Variants in ATP13A4 observed in about 807,000 individuals in gnomAD.
ATP13A4 encodes the protein ATPase 13A4.
ATP13A4 carries 114 observed loss-of-function variants against 142.5 expected under a neutral mutation model. That is an observed-to-expected ratio of 0.80 (90% CI 0.69 to 0.93). The LOEUF is 0.93. Ranked by LOEUF, ATP13A4 falls within the 40% of genes least tolerant of loss-of-function variation. The pLI, the probability that ATP13A4 is intolerant of heterozygous loss-of-function variation, is 0.00. For missense variants in ATP13A4, 1,392 were observed against 1,454.0 expected, an observed-to-expected ratio of 0.96 and a Z score of 0.69; for synonymous variants, 488 against 514.8, an observed-to-expected ratio of 0.95 and a Z score of 0.70.
At chr3:193,498,105 G>T (rs1284018855) in intron 3 of ATP13A4, among the ~76,000 whole-genome samples, 1 of 152,034 alleles carries the variant, frequency 6.6e-6, no homozygotes, top group East Asian at 1.9e-4. Context: ...ATAAACCTAT[G>T]AGGTGACAGA....
chr3:193,489,157 A>G (rs755324090), intron 7 of ATP13A4, among the ~76,000 whole-genome samples: 64 of 152,298 alleles, frequency 4.2e-4, no homozygotes, highest in Admixed American at 1.5e-3. Context: ...AATTTCAGAG[A>G]ACAGAAGAGC....
chr3:193,516,389 C>T (rs1288691435), intron 1 of ATP13A4, among the ~76,000 whole-genome samples: 2 of 152,208 alleles, frequency 1.3e-5, no homozygotes, highest in South Asian at 2.1e-4. Flanking sequence ...CTCAGAAATA[C>T]AATCTCTTAA....
At chr3:193,525,792 C>T (rs573942767) in intron 1 of ATP13A4, among the ~76,000 whole-genome samples, 2 of 152,204 alleles carry the variant, frequency 1.3e-5, no homozygotes, top group Non-Finnish European at 2.9e-5. Flanking sequence ...ATTAATCTTC[C>T]ATTGAAAGTT....
chr3:193,477,788 G>A (rs1000860133), intron 8 of ATP13A4, among the ~76,000 whole-genome samples: 2 of 152,016 alleles, frequency 1.3e-5, no homozygotes, highest in African/African-American at 4.8e-5. Flanking sequence ...GCAGAGTGCT[G>A]GGGAGGTAAC....
chr3:193,530,282 GA>G (rs575172395), intron 1 of ATP13A4, among the ~76,000 whole-genome samples: 1 of 151,140 alleles, frequency 6.6e-6, no homozygotes, highest in East Asian at 1.9e-4. Flanking sequence ...TTCTCCTAGG[GA>G]AAAAAAATTC....
intron 2 of ATP13A4, among the ~76,000 whole-genome samples, chr3:193,571,678 T>C (rs1056086513): frequency 6.6e-6 from 1 of 152,084 alleles, no homozygotes; most frequent in African/African-American, 2.4e-5. Flanking sequence ...CAAACCCCAA[T>C]TGAAGGGCAT....
At chr3:193,503,005 A>G (rs1046676900) in intron 2 of ATP13A4, among the ~76,000 whole-genome samples, 1 of 150,530 alleles carries the variant, frequency 6.6e-6, no homozygotes, top group Non-Finnish European at 1.5e-5. Flanking sequence ...CCTACAGAAC[A>G]GCCTCATTAA....
chr3:193,461,996 C>T (rs1274707929), intron 13 of ATP13A4, among the ~76,000 whole-genome samples: 2 of 152,064 alleles, frequency 1.3e-5, no homozygotes, highest in Non-Finnish European at 2.9e-5. Context: ...CCGAGGTGGA[C>T]GGATCACCTG....
At chr3:193,509,334 G>C (rs76289943) in intron 2 of ATP13A4, among the ~76,000 whole-genome samples, 3 of 152,074 alleles carry the variant, frequency 2.0e-5, no homozygotes, top group East Asian at 1.9e-4. Context: ...TTTGTGTACC[G>C]ATCTGATTAA....
chr3:193,564,059 A>G (rs1409498021), intron 2 of ATP13A4, among the ~76,000 whole-genome samples: 1 of 152,264 alleles, frequency 6.6e-6, no homozygotes, highest in African/African-American at 2.4e-5. Flanking sequence ...TATTTTTAGA[A>G]TAAGAAAGAT....
At chr3:193,558,019 A>G (rs536826707), upstream of ATP13A4, among the ~76,000 whole-genome samples, 24 of 152,348 alleles carry the variant, frequency 1.6e-4, no homozygotes, top group Admixed American at 3.9e-4. Flanking sequence ...AACGCCATGC[A>G]TGGAGGTCCT....
At chr3:193,483,781 TA>T (rs200782119) in intron 8 of ATP13A4, among the ~76,000 whole-genome samples, 154 bp downstream of exon 8, 128 of 146,832 alleles carry the variant, frequency 8.7e-4, no homozygotes, top group African/African-American at 2.8e-3. Flanking sequence ...GTTTTTAAGG[TA>T]AAAAAAAAAA....
In ATP13A4 at chr3:193,539,240, A is replaced by T. The variant is rs150792040; in HGVS notation, c.60+15500T>A. Among the ~76,000 whole-genome samples the T allele has an allele frequency of 3.1e-3, 469 of 152,350 alleles. 1 individual carries two copies. The highest frequency in any genetic ancestry group is 0.011 in the African/African-American group (448 of 41,594). On this transcript the variant is annotated intron_variant, in intron 1 of 29. Transcript: ENST00000342695. ...TGGGCCATATGTCCCCAAGGGCCATAGTTTGCAGACCTCTGCTATCAAGAA... is the reference window on the plus strand; with the variant it reads ...TGGGCCATATGTCCCCAAGGGCCATTGTTTGCAGACCTCTGCTATCAAGAA...
At chr3:193,497,847 T>A (rs1237515947) in intron 3 of ATP13A4, among the ~76,000 whole-genome samples, 1 of 152,120 alleles carries the variant, frequency 6.6e-6, no homozygotes, top group Non-Finnish European at 1.5e-5. Flanking sequence ...TCTTACTCAT[T>A]TGTGAAATCT....
chr3:193,435,536 T>C, intron 24 of ATP13A4, 112 bp downstream of exon 24: 1 of 883,704 alleles, frequency 1.1e-6, no homozygotes, highest in African/African-American at 1.6e-5. Flanking sequence ...GAGGGGCTGT[T>C]GTTGTTCAGA....
At chr3:193,417,855 G>A (rs1314342654) in intron 25 of ATP13A4, among the ~76,000 whole-genome samples, 3 of 148,872 alleles carry the variant, frequency 2.0e-5, no homozygotes, top group African/African-American at 5.0e-5. Context: ...GGGCGCGGTG[G>A]CTCACGCCTG....
chr3:193,399,295 C>T lies in ATP13A4; in HGVS notation c.*3357G>A, dbSNP rs1344094408. Among the ~76,000 whole-genome samples the T allele has an allele frequency of 6.6e-6, 1 of 152,182 alleles. No individual in the cohort carries two copies. On this transcript the variant is annotated 3_prime_UTR_variant, in exon 30 of 30. Coordinates refer to ENST00000342695, the MANE Select transcript of ATP13A4 (RefSeq NM_032279.4). ...CGCCCTCAAGTTTAGGGCACTCTCC[C>T]ACGCTCTTTCATGCAAAGTTTTTTA...
chr3:193,450,172 T>C (rs1418714706), intron 17 of ATP13A4, among the ~76,000 whole-genome samples: 4 of 152,082 alleles, frequency 2.6e-5, no homozygotes, highest in African/African-American at 9.7e-5. Flanking sequence ...TCATATTACT[T>C]ATATTTCACT....
In ATP13A4 at chr3:193,549,137, A is replaced by T. The variant is rs1457972747; in HGVS notation, c.60+5603T>A. ...CAAAAAAGACTGCTAATCCGAGTAT[A>T]CATTGGTACAACTATAACTTCTGAA... On this transcript the variant is annotated intron_variant, in intron 1 of 29. Transcript: ENST00000342695. Among the ~76,000 whole-genome samples, 6 of 152,232 alleles carry T rather than the reference A, an allele frequency of 3.9e-5. No individual in the cohort carries two copies. The East Asian group carries it at 7.7e-4, about 20-fold the overall frequency.
Sources: allele counts gnomAD v4.1 joint callset (sites outside exome capture counted in the v4.1 genomes callset), GRCh38; gene constraint gnomAD v4.1.1; transcripts MANE v1.5; gene names NCBI Gene and HGNC (gene_info 2026-07-23, HGNC 2026-07-21).